The following POU5F1 variants were observed in gnomAD, a reference collection of about 807,000 sequenced individuals.
POU5F1 encodes POU domain, class 5, transcription factor 1.
In POU5F1, 6 loss-of-function variants were observed where a neutral mutation model predicts 38.3. That is an observed-to-expected ratio of 0.16 (90% confidence interval 0.09 to 0.31). The LOEUF (loss-of-function observed/expected upper bound fraction) is 0.31, where lower values mean the gene tolerates loss of function less well. Among genes scored for constraint, POU5F1 ranks in the 10% least tolerant of loss-of-function variants. POU5F1 has a pLI of 1.00. For synonymous variants in POU5F1, 147 were observed against 194.9 expected, an observed-to-expected ratio of 0.75 and a Z score of 2.05; for missense variants, 286 against 462.6, an observed-to-expected ratio of 0.62 and a Z score of 3.50.
chr6:31,170,094 G>C lies in POU5F1; in HGVS notation c.405+122C>G, dbSNP rs1777550201. On this transcript the variant is annotated intron_variant, in intron 1 of 4. Coordinates refer to ENST00000259915, the MANE Select transcript of POU5F1 (RefSeq NM_002701.6). ...TACACACCCCTCCCTGGCCAGGGCAGCTGACCCTGCCTGCTCCTCTCCTGG... is the reference window on the plus strand; with the variant it reads ...TACACACCCCTCCCTGGCCAGGGCACCTGACCCTGCCTGCTCCTCTCCTGG... 7 of 1,529,316 alleles carry C rather than the reference G, an allele frequency of 4.6e-6. No homozygotes were observed. In the South Asian group the frequency reaches 8.2e-5, roughly 18 times the overall value. The allele number at this position is 1,529,316 out of a possible 1,614,324, so 94.7% of individuals were successfully genotyped here.
At chr6:31,167,359 C>T (rs9263802) in intron 1 of POU5F1, among the ~76,000 whole-genome samples, 22,153 of 151,228 alleles carry the variant, frequency 0.15, 1,729 homozygotes, top group African/African-American at 0.16. Context: ...AGACCCGTGC[C>T]GCCCCTTCTC....
intron 1 of POU5F1, 155 bp downstream of exon 1, chr6:31,170,061 G>A (rs1057144318): frequency 8.1e-6 from 10 of 1,234,490 alleles, no homozygotes; most frequent in South Asian, 1.4e-5. Context: ...AGGGCTGCCA[G>A]CAGTTGATAC....
Position 31,170,629 on chromosome 6 carries a change from A to C in POU5F1, c.-9T>G. The stretch of plus-strand genomic sequence containing the variant: ...GCCAGGTGTCCCGCCATGGGGAAGG[A>C]AGGCGCCCCAAGCCGGGGGCCTGGT... On this transcript the variant is annotated 5_prime_UTR_variant, in exon 1 of 5. Transcript: ENST00000259915. 6.5e-7 allele frequency: 1 copy of C among 1,546,286 alleles called. No homozygotes were observed. The highest frequency in any genetic ancestry group is 2.4e-5 in the East Asian group (1 of 41,844).
At position 31,170,299 on chromosome 6, in the gene POU5F1, C is replaced by A. The variant is rs751334783; in HGVS notation, c.322G>T (p.Asp108Tyr). The stretch of plus-strand genomic sequence containing the variant: ...GTGCAGGGCTCCGGGGAGGCCCCAT[C>A]GGAGTTGCTCTCCACCCCGACTCCT... ...EAGVGVESNSDGASPEPCTVT... is the reference protein window; with the variant it reads ...EAGVGVESNSYGASPEPCTVT... Residue 108 changes from aspartate (D) to tyrosine (Y), a missense_variant, in exon 1 of 5, where the codon GAT becomes TAT. Physicochemically the swap from Asp to Tyr is radical, Grantham distance 160. Around this residue, in one of 2 missense-constraint regions of POU5F1, gnomAD observed 176 missense variants for 184.8 expected, o/e 0.95. Coordinates refer to ENST00000259915, the MANE Select transcript of POU5F1 (RefSeq NM_002701.6). The A allele has an allele frequency of 2.5e-6, 4 of 1,612,678 alleles. No individual in the cohort carries two copies. In the South Asian group the frequency reaches 4.4e-5, roughly 18 times the overall value.
intron 1 of POU5F1, among the ~76,000 whole-genome samples, chr6:31,167,960 C>CA (rs9281237): frequency 0.029 from 4,325 of 150,988 alleles, 138 homozygotes; most frequent in East Asian, 0.088. Context: ...TTCTCCCCAC[C>CA]AAGACGGAAT....
intron 1 of POU5F1, 38 bp from the exon 2 acceptor site, chr6:31,166,085 A>G (rs1014613031): frequency 1.4e-5 from 23 of 1,614,096 alleles, no homozygotes; most frequent in Non-Finnish European, 1.8e-5. Flanking sequence ...AAGAACATAA[A>G]CACACCAGTT....
At chr6:31,167,389 T>C (rs1422433459) in intron 1 of POU5F1, among the ~76,000 whole-genome samples, 1 of 146,656 alleles carries the variant, frequency 6.8e-6, no homozygotes, top group African/African-American at 2.5e-5. Context: ...CTGCCTCTAT[T>C]TAAAATATAT....
At chr6:31,170,041 CCT>C (rs1219055936) in intron 1 of POU5F1, 173 bp downstream of exon 1, 29 of 1,021,372 alleles carry the variant, frequency 2.8e-5, no homozygotes, top group South Asian at 1.3e-4. Flanking sequence ...CCACCTGGCC[CCT>C]GCCTGCCAGG....
chr6:31,166,557 G>T, intron 1 of POU5F1: 2 of 975,608 alleles, frequency 2.0e-6, no homozygotes, highest in South Asian at 3.4e-5. Context: ...TACTCAGGAG[G>T]CTGAGGCAGG....
Position 31,166,170 on chromosome 6 carries a change from G to A in POU5F1, c.406-123C>T, listed in dbSNP as rs775689149. 1.9e-6 allele frequency: 3 copies of A among 1,602,662 alleles called. No individual in the cohort carries two copies. In the African/African-American group the frequency reaches 4.0e-5, roughly 21 times the overall value. Reference sequence around the variant, plus strand: ...AGGAATAGTCTGTAGAAGTGCCTCTGCCTTCCAAGCTGCCCACCTAACTTC... The same window carrying A: ...AGGAATAGTCTGTAGAAGTGCCTCTACCTTCCAAGCTGCCCACCTAACTTC... On this transcript the variant is annotated intron_variant, in intron 1 of 4. Coordinates refer to ENST00000259915, the MANE Select transcript of POU5F1 (RefSeq NM_002701.6).
Position 31,165,539 on chromosome 6 carries a change from A to G in POU5F1, c.657+32T>C, listed in dbSNP as rs745605420. ...CAATGGAAATTAGGCCAAGAAAGGG[A>G]AGGTCCCCGGGTATCCCCCTCCCAC... On this transcript the variant is annotated intron_variant, in intron 3 of 4. Coordinates refer to ENST00000259915, the MANE Select transcript of POU5F1 (RefSeq NM_002701.6). This position sits in a 1 kb window ranked among gnomAD's most constrained non-coding sequence, Gnocchi z 6.5. The G allele has an allele frequency of 8.1e-6, 13 of 1,612,296 alleles. No individual in the cohort carries two copies. The Admixed American group carries it at 2.0e-4, about 25-fold the overall frequency.
At chr6:31,167,069 T>C (rs1364491233) in intron 1 of POU5F1, 2 of 538,836 alleles carry the variant, frequency 3.7e-6, no homozygotes, top group African/African-American at 1.9e-5. Flanking sequence ...CTATACAAAG[T>C]GGACAAAGAG....
At chr6:31,167,498 A>G (rs1366150670) in intron 1 of POU5F1, among the ~76,000 whole-genome samples, 2 of 152,134 alleles carry the variant, frequency 1.3e-5, no homozygotes, top group African/African-American at 4.8e-5. Context: ...ACTTGAGGTC[A>G]GGAGTTCAAG....
chr6:31,167,606 G>A (rs532536532), intron 1 of POU5F1, among the ~76,000 whole-genome samples: 2 of 152,088 alleles, frequency 1.3e-5, no homozygotes, highest in South Asian at 4.2e-4. Flanking sequence ...TACTCAGGAG[G>A]CTGAGGCAGG....
At position 31,168,212 on chromosome 6, in the gene POU5F1, G is replaced by C. The variant is rs185402687; in HGVS notation, c.405+2004C>G. Reference sequence around the variant, plus strand: ...GCCTCCCAAAGTGCTGGGATTACAGGTGTGAACCACCGCACCTAGCCTCAC... The same window carrying C: ...GCCTCCCAAAGTGCTGGGATTACAGCTGTGAACCACCGCACCTAGCCTCAC... On this transcript the variant is annotated intron_variant, in intron 1 of 4. Coordinates refer to ENST00000259915, the MANE Select transcript of POU5F1 (RefSeq NM_002701.6). Among the ~76,000 whole-genome samples, 1,091 of 149,414 alleles carry C rather than the reference G, an allele frequency of 7.3e-3. 4 individuals are homozygous for C. The highest frequency in any genetic ancestry group is 0.012 in the Non-Finnish European group (831 of 67,540).
At chr6:31,167,162 CT>C (rs1777333579) in intron 1 of POU5F1, 2 of 363,386 alleles carry the variant, frequency 5.5e-6, no homozygotes, top group Admixed American at 4.6e-5. Flanking sequence ...GTGCACTTTC[CT>C]TTTTTCCCTG....
rs1436996231 is a variant in POU5F1 at position 31,165,053 on chromosome 6, G to A, written c.816+75C>T. ...AAAGCCAACAGCCCTAGAGCAGTTG[G>A]AGGAGCCAGAGCTAGGGAAAGCGAG... On this transcript the variant is annotated intron_variant, in intron 4 of 4. Transcript: ENST00000259915. The surrounding 1 kb of genome is among the most constrained non-coding windows in gnomAD (Gnocchi z 6.5). 2.2e-5 allele frequency: 34 copies of A among 1,566,270 alleles called. No individual in the cohort carries two copies. Among genetic ancestry groups the A allele is most frequent in the Non-Finnish European group, 2.8e-5 (32 of 1,156,154 alleles).
chr6:31,169,056 T>C (rs982783544), intron 1 of POU5F1, among the ~76,000 whole-genome samples: 10 of 152,208 alleles, frequency 6.6e-5, no homozygotes, highest in Non-Finnish European at 1.3e-4. Context: ...TCTGCTATCT[T>C]GGATTTTCCA....
At position 31,165,211 on chromosome 6, in the gene POU5F1, G is replaced by T; in HGVS notation, c.733C>A (p.Leu245Met). Residue 245 changes from leucine (L) to methionine (M), a missense_variant, in exon 4 of 5, where the codon CTG (leucine) becomes ATG (methionine). This residue lies in a region of POU5F1 where 110 missense variants were observed against 277.8 expected (regional missense o/e 0.40). Transcript: ENST00000259915. The surrounding 1 kb of genome is among the most constrained non-coding windows in gnomAD (Gnocchi z 6.5). ...GGGCACTGCAGGAACAAATTCTCCA[G>T]GTTGCCTCTCACTCGGTTCTCGATA... ...TSIENRVRGN[L>M]ENLFLQCPKP... 1 of 1,610,796 alleles carries T rather than the reference G, an allele frequency of 6.2e-7. No homozygotes were observed. Among genetic ancestry groups the T allele is most frequent in the Non-Finnish European group, 8.5e-7 (1 of 1,178,932 alleles).
Sources: allele counts gnomAD v4.1 joint callset (sites outside exome capture counted in the v4.1 genomes callset), GRCh38; gene constraint gnomAD v4.1.1; regional missense constraint gnomAD v4.1.1; non-coding constraint Gnocchi (gnomAD v3.1); transcripts MANE v1.5; gene names NCBI Gene and HGNC (gene_info 2026-07-23, HGNC 2026-07-21).